Variants in MCM5 observed in about 807,000 individuals in gnomAD.
MCM5 encodes the protein DNA replication licensing factor MCM5.
A neutral mutation model predicts 79.9 loss-of-function variants in MCM5; 46 were observed. The observed-to-expected ratio is 0.58, with a 90% CI of 0.45 to 0.74. The LOEUF is 0.74. MCM5 is among the 30% of genes least tolerant of loss of function. The pLI is 0.00. For synonymous variants in MCM5, 404 were observed against 390.5 expected (o/e 1.03, Z -0.41); for missense variants, 883 against 1,017.0 (o/e 0.87, Z 1.79).
intron 10 of MCM5, 119 bp downstream of exon 10, chr22:35,416,091 C>G (rs963576830): frequency 3.5e-5 from 46 of 1,302,616 alleles, no homozygotes; most frequent in Non-Finnish European, 3.9e-5. Context: ...ATCCCTGGGC[C>G]GGTCACTCTA....
chr22:35,445,430 G>C, the MCM5 span, among the ~76,000 whole-genome samples: 1 of 140,058 alleles, frequency 7.1e-6, no homozygotes, highest in Non-Finnish European at 1.5e-5. Flanking sequence ...CTGGGTTCAA[G>C]TGATTCTCCT....
the MCM5 span, among the ~76,000 whole-genome samples, chr22:35,453,819 T>TAGAGAGAGAGAGAG: frequency 4.0e-4 from 33 of 81,538 alleles, no homozygotes; most frequent in African/African-American, 1.4e-3. Context: ...TATATATATA[T>TAGAGAGAGAGAGAG]AGAGAGAGAG....
chr22:35,442,247 A>G, the MCM5 span, among the ~76,000 whole-genome samples: 1 of 150,100 alleles, frequency 6.7e-6, no homozygotes, highest in Non-Finnish European at 1.5e-5. Context: ...CACACCACTC[A>G]CTTGCTGCCT....
chr22:35,453,459 CAGAGACAGAGAA>C, the MCM5 span, among the ~76,000 whole-genome samples: 11 of 143,168 alleles, frequency 7.7e-5, no homozygotes, highest in South Asian at 2.0e-3. Flanking sequence ...GAGATAGAAA[CAGAGACAGAGAA>C]AGAGACAGAG....
At chr22:35,442,874 T>C in the MCM5 span, among the ~76,000 whole-genome samples, 1 of 152,224 alleles carries the variant, frequency 6.6e-6, no homozygotes, top group African/African-American at 2.4e-5. Flanking sequence ...CTCTGTTTGT[T>C]TCCCATTGGG....
the MCM5 span, among the ~76,000 whole-genome samples, chr22:35,435,955 T>G: frequency 6.6e-6 from 1 of 151,802 alleles, no homozygotes; most frequent in Admixed American, 6.6e-5. Context: ...TCACCTGAGG[T>G]CGGGAGTTCA....
rs201051154 is a variant in MCM5 at position 35,412,529 on chromosome 22, C to T, written c.939C>T (p.Ala313=). 23 of 1,564,166 alleles carry T rather than the reference C, an allele frequency of 1.5e-5. No individual in the cohort carries two copies. The highest frequency in any genetic ancestry group is 5.6e-5 in the Admixed American group (3 of 53,578). ...TDGSGRSFAG[A]VSPQEEEEFR... is the part of the protein sequence containing the mutation. ...ACCAAGGCCGCAGCTTTGCTGGGGC[C>T]GTGAGCCCCCAGGAGGAGGAGGAGT... Residue 313 remains alanine, a synonymous_variant, in exon 8 of 17, where the codon GCC becomes GCT. Transcript: ENST00000216122.
the MCM5 span, among the ~76,000 whole-genome samples, chr22:35,445,003 T>C: frequency 6.6e-6 from 1 of 152,228 alleles, no homozygotes; most frequent in Admixed American, 6.5e-5. Flanking sequence ...CCCTGTGACC[T>C]GCTTCTGGCC....
At chr22:35,420,749 C>G (rs1397114948) in intron 14 of MCM5, among the ~76,000 whole-genome samples, 1 of 152,220 alleles carries the variant, frequency 6.6e-6, no homozygotes, top group Non-Finnish European at 1.5e-5. Context: ...TTACAACTTA[C>G]TGCCATAGAT....
the MCM5 span, among the ~76,000 whole-genome samples, chr22:35,444,908 C>T: frequency 6.6e-6 from 1 of 152,214 alleles, no homozygotes; most frequent in South Asian, 2.1e-4. Context: ...CTCCCCTCTC[C>T]TTCTTCCTCT....
chr22:35,434,739 C>T, the MCM5 span, among the ~76,000 whole-genome samples: 2 of 152,210 alleles, frequency 1.3e-5, no homozygotes, highest in African/African-American at 2.4e-5. Flanking sequence ...ACAAGAGTCC[C>T]ACAGTTCCTG....
chr22:35,451,610 C>T, the MCM5 span, among the ~76,000 whole-genome samples: 16 of 152,344 alleles, frequency 1.1e-4, no homozygotes, highest in East Asian at 3.9e-4. Context: ...ATCTCTGTGC[C>T]GGACCCAGGG....
downstream of MCM5, among the ~76,000 whole-genome samples, chr22:35,427,669 G>A (rs1401062486): frequency 6.6e-6 from 1 of 151,830 alleles, no homozygotes; most frequent in Admixed American, 6.6e-5. Flanking sequence ...TCTACATTAG[G>A]TATTTCTTCT....
At chr22:35,429,379 C>G, downstream of MCM5, among the ~76,000 whole-genome samples, 1 of 152,116 alleles carries the variant, frequency 6.6e-6, no homozygotes, top group East Asian at 1.9e-4. Flanking sequence ...GACTCAATGT[C>G]TCAGAGGCAG....
At chr22:35,450,443 C>G in the MCM5 span, among the ~76,000 whole-genome samples, 1 of 152,208 alleles carries the variant, frequency 6.6e-6, no homozygotes, top group Admixed American at 6.5e-5. Flanking sequence ...TCCCTCTCCC[C>G]TCCTGGGACA....
chr22:35,423,837 TC>T, intron 16 of MCM5: 1 of 293,142 alleles, frequency 3.4e-6, no homozygotes, highest in Non-Finnish European at 6.3e-6. Context: ...TCATTTTGAT[TC>T]AGGGCAGTTT....
rs778159795 is a variant in MCM5, at chr22:35,406,708, G to A, written c.579G>A (p.Leu193=). ...GCCCTGGCCTCGAGGGCTATGCCCT[G>A]CCCAGGAAGTGCAACACGTGAGTCT... ...AMRPGLEGYA[L]PRKCNTDQAG... Residue 193 remains leucine, a synonymous_variant, in exon 5 of 17, where the codon CTG becomes CTA. Coordinates refer to ENST00000216122, the MANE Select transcript of MCM5 (RefSeq NM_006739.4). 2.5e-6 allele frequency: 4 copies of A among 1,608,402 alleles called. No homozygotes were observed. The highest frequency in any genetic ancestry group is 2.2e-5 in the East Asian group (1 of 44,878).
chr22:35,448,979 G>A, the MCM5 span, among the ~76,000 whole-genome samples: 1 of 152,216 alleles, frequency 6.6e-6, no homozygotes, highest in Non-Finnish European at 1.5e-5. Flanking sequence ...ATTGGCCAAA[G>A]CAAGCCTCAT....
At chr22:35,433,899 G>A in the MCM5 span, among the ~76,000 whole-genome samples, 4 of 152,230 alleles carry the variant, frequency 2.6e-5, no homozygotes, top group African/African-American at 9.6e-5. Flanking sequence ...GGACTCAAGG[G>A]ATTCCATGTG....
Sources: allele counts gnomAD v4.1 joint callset (sites outside exome capture counted in the v4.1 genomes callset), GRCh38; gene constraint gnomAD v4.1.1; transcripts MANE v1.5; gene names NCBI Gene and HGNC (gene_info 2026-07-23, HGNC 2026-07-21).